Variants in LIPH observed in about 807,000 individuals in gnomAD.
LIPH encodes the protein lipase H.
LIPH carries 32 observed loss-of-function variants against 47.6 expected under a neutral mutation model. That is an observed-to-expected ratio of 0.67 (90% CI 0.51 to 0.90). The LOEUF (loss-of-function observed/expected upper bound fraction) is 0.90. Among genes scored for constraint, LIPH ranks in the 40% least tolerant of loss-of-function variants. LIPH has a pLI of 0.00. For synonymous variants in LIPH, 190 were observed against 195.6 expected (o/e 0.97, Z 0.24); for missense variants, 497 against 541.4 (o/e 0.92, Z 0.81).
intron 4 of LIPH, among the ~76,000 whole-genome samples, chr3:185,525,868 A>G (rs1159561122): frequency 1.3e-5 from 2 of 152,222 alleles, no homozygotes; most frequent in Non-Finnish European, 2.9e-5. Flanking sequence ...GTTGGACACC[A>G]CACCAGAATG....
chr3:185,551,000 C>A (rs1327370336), intron 1 of LIPH, among the ~76,000 whole-genome samples: 2 of 152,054 alleles, frequency 1.3e-5, no homozygotes, highest in Non-Finnish European at 2.9e-5. Context: ...CGTGGTGAAA[C>A]CTCATCTCTA....
chr3:185,514,537 A>C lies in LIPH; in HGVS notation c.983-16T>G. 1.1e-6 allele frequency: 1 copy of C among 940,840 alleles called. No homozygotes were observed. 58.3% of individuals were successfully genotyped at this position (940,840 alleles called of 1,614,324 possible). A position where few individuals can be genotyped will look rare whatever the true frequency, so the allele number is the denominator to read the frequency against. ...TAATGATACACTGCAAAACAGAGAG[A>C]GAACACGGTAAGAGAGAGATACTAC... is the stretch of plus-strand genomic sequence containing the variant. On this transcript the variant is annotated splice_polypyrimidine_tract_variant and intron_variant, in intron 7 of 9. Coordinates refer to ENST00000296252, the MANE Select transcript of LIPH (RefSeq NM_139248.3).
intron 4 of LIPH, 133 bp from the exon 5 acceptor site, chr3:185,524,293 T>G (rs562392870): frequency 1.0e-5 from 7 of 671,086 alleles, no homozygotes; most frequent in African/African-American, 8.9e-5. Flanking sequence ...ATGTAAGAGT[T>G]TTGCCCAAAG....
At chr3:185,522,658 G>GAAAAGA (rs879833465) in intron 5 of LIPH, among the ~76,000 whole-genome samples, 1 of 23,654 alleles carries the variant, frequency 4.2e-5, no homozygotes, top group Non-Finnish European at 8.0e-5. Flanking sequence ...GAAAAAGAAA[G>GAAAAGA]AAAGAAAGAA....
intron 3 of LIPH, among the ~76,000 whole-genome samples, chr3:185,529,449 G>A (rs1720240701): frequency 6.8e-6 from 1 of 147,596 alleles, no homozygotes; most frequent in Non-Finnish European, 1.5e-5. Flanking sequence ...GGGGGTAGGG[G>A]AGGAGAGCCG....
intron 8 of LIPH, 152 bp downstream of exon 8, chr3:185,514,258 C>T: frequency 1.6e-6 from 1 of 634,680 alleles, no homozygotes; most frequent in East Asian, 2.9e-5. Context: ...GATCAAGAAC[C>T]AGGGAAGCAA....
intron 3 of LIPH, among the ~76,000 whole-genome samples, chr3:185,529,150 C>A (rs1249825527): frequency 5.8e-5 from 7 of 120,212 alleles, no homozygotes; most frequent in Non-Finnish European, 1.1e-4. Context: ...GCACTCCAGC[C>A]TGGGTGACAG....
chr3:185,524,112 C>T lies in LIPH; in HGVS notation c.677G>A (p.Gly226Glu), dbSNP rs771383305. 3.1e-6 allele frequency: 5 copies of T among 1,613,824 alleles called. No homozygotes were observed. The South Asian group carries it at 5.5e-5, about 18-fold the overall frequency. Residue 226 changes from glycine (G) to glutamate (E), a missense_variant, in exon 5 of 10, where the codon GGA becomes GAA. Coordinates refer to ENST00000296252, the MANE Select transcript of LIPH (RefSeq NM_139248.3). ...GGGGCAGCCAGGTTGATCCAATCCT[C>T]CATTTGGGTAGAAGTCTATGTTTCC... ...PLGNIDFYPN[G>E]GLDQPGCPKT...
Position 185,508,489 on chromosome 3 carries a change from G to A in LIPH, c.*301C>T, listed in dbSNP as rs1010288307. On this transcript the variant is annotated 3_prime_UTR_variant, in exon 10 of 10. Coordinates refer to ENST00000296252, the MANE Select transcript of LIPH (RefSeq NM_139248.3). ...AGCCGCGATGGGCAGAACCACCCGC[G>A]TGACAGGCAGCAGAATTGACAGGTC... The A allele has an allele frequency of 8.9e-5, 35 of 391,974 alleles. No homozygotes were observed. Among genetic ancestry groups the A allele is most frequent in the Admixed American group, 1.5e-4 (4 of 27,012 alleles). 24.3% of individuals were successfully genotyped at this position (391,974 alleles called of 1,614,324 possible).
In LIPH at chr3:185,508,418, C is replaced by T. The variant is rs369396307; in HGVS notation, c.*372G>A. On this transcript the variant is annotated 3_prime_UTR_variant, in exon 10 of 10. Transcript: ENST00000296252. ...CACGGAGAATGCAGAGTTGAGTCCACGGTGAGGCCTCCAGTCCGTCCTTCC... is the reference window on the plus strand; with the variant it reads ...CACGGAGAATGCAGAGTTGAGTCCATGGTGAGGCCTCCAGTCCGTCCTTCC... The T allele has an allele frequency of 3.6e-5, 10 of 281,360 alleles. No individual in the cohort carries two copies. Among genetic ancestry groups the T allele is most frequent in the Non-Finnish European group, 4.2e-5 (6 of 144,124 alleles). 17.4% of individuals were successfully genotyped at this position (281,360 alleles called of 1,614,324 possible). A position where few individuals can be genotyped will look rare whatever the true frequency, so the allele number is the denominator to read the frequency against.
chr3:185,547,369 T>C (rs1013376376), intron 1 of LIPH, among the ~76,000 whole-genome samples: 1 of 152,196 alleles, frequency 6.6e-6, no homozygotes, highest in Non-Finnish European at 1.5e-5. Flanking sequence ...CCCTGACTCA[T>C]ACTGCTTTTT....
At chr3:185,534,300 G>A (rs1374724135) in intron 2 of LIPH, among the ~76,000 whole-genome samples, 2 of 151,650 alleles carry the variant, frequency 1.3e-5, no homozygotes, top group Admixed American at 6.6e-5. Context: ...AGGTTGCGGT[G>A]AGCTGAAATC....
intron 4 of LIPH, among the ~76,000 whole-genome samples, chr3:185,526,206 G>A (rs1412832396): frequency 6.6e-6 from 1 of 151,840 alleles, no homozygotes; most frequent in Non-Finnish European, 1.5e-5. Flanking sequence ...TCTACAAAAA[G>A]AAGATAAATT....
rs1577659550 is a variant in LIPH at position 185,508,545 on chromosome 3, C to A, written c.*245G>T. The stretch of plus-strand genomic sequence containing the variant: ...AAGGGAGGCCCCAGGACACAGCAGA[C>A]ACAGCGCTGCGCTGCTGCGAGCCTG... On this transcript the variant is annotated 3_prime_UTR_variant, in exon 10 of 10. Coordinates refer to ENST00000296252, the MANE Select transcript of LIPH (RefSeq NM_139248.3). 1.9e-6 allele frequency: 1 copy of A among 512,866 alleles called. No individual in the cohort carries two copies. The highest frequency in any genetic ancestry group is 3.6e-5 in the East Asian group (1 of 28,160). 31.8% of individuals were successfully genotyped at this position (512,866 alleles called of 1,614,324 possible).
intron 1 of LIPH, among the ~76,000 whole-genome samples, chr3:185,538,215 A>T (rs184130608): frequency 2.1e-4 from 32 of 152,324 alleles, no homozygotes; most frequent in African/African-American, 7.5e-4. Context: ...TAAATACTAA[A>T]TATTATAAAA....
rs771700351 is a variant in LIPH, at chr3:185,519,242, GCTCT to G, written c.782_785del (p.Glu261AlafsTer45). Reference sequence around the variant, plus strand: ...CACAGGGATACGCAGTGATGGTGCAGCTCTCTCTCAGGGAAGACAGGTACAGGTA... The same window carrying G: ...CACAGGGATACGCAGTGATGGTGCAGCTCTCAGGGAAGACAGGTACAGGTA... On this transcript the variant is annotated frameshift_variant, in exon 6 of 10. Coordinates refer to ENST00000296252, the MANE Select transcript of LIPH (RefSeq NM_139248.3). The G allele has an allele frequency of 6.2e-7, 1 of 1,612,100 alleles. No homozygotes were observed. The highest frequency in any genetic ancestry group is 1.1e-5 in the South Asian group (1 of 91,038).
In LIPH at chr3:185,535,069, C is replaced by A. The variant is rs1720462905; in HGVS notation, c.113G>T (p.Gly38Val). 6.2e-7 allele frequency: 1 copy of A among 1,613,942 alleles called. No homozygotes were observed. Among genetic ancestry groups the A allele is most frequent in the Non-Finnish European group, 8.5e-7 (1 of 1,179,960 alleles). The change falls in exon 2 of 10, where the codon GGA (glycine) becomes GTA (valine). Residue 38 changes from glycine to valine, a missense_variant. By Grantham distance (109) the Gly-to-Val change is moderately radical. Transcript: ENST00000296252. Reference sequence around the variant, plus strand: ...GTAGAGCATCAGCCTCACATTTAGTCCCGTACCAACCACTGCACTGTGAAA... The same window carrying A: ...GTAGAGCATCAGCCTCACATTTAGTACCGTACCAACCACTGCACTGTGAAA... ...LSFHSAVVGT[G>V]LNVRLMLYTR...
intron 9 of LIPH, among the ~76,000 whole-genome samples, chr3:185,510,137 C>T (rs7645338): frequency 0.42 from 63,381 of 151,732 alleles, 13,422 homozygotes; most frequent in Middle Eastern, 0.47. Flanking sequence ...TTGGTAGAGA[C>T]GGGGTTTCAC....
intron 8 of LIPH, 118 bp downstream of exon 8, chr3:185,514,292 C>T: frequency 1.4e-6 from 1 of 699,790 alleles, no homozygotes; most frequent in Non-Finnish European, 2.6e-6. Flanking sequence ...CCCCTTATAT[C>T]TTTTATAGAA....
Sources: allele counts gnomAD v4.1 joint callset (sites outside exome capture counted in the v4.1 genomes callset), GRCh38; gene constraint gnomAD v4.1.1; transcripts MANE v1.5; gene names NCBI Gene and HGNC (gene_info 2026-07-23, HGNC 2026-07-21).